The following RAB11FIP3 variants were observed in gnomAD, a reference collection of about 807,000 sequenced individuals.
The protein encoded by RAB11FIP3 is rab11 family-interacting protein 3.
In RAB11FIP3, 17 loss-of-function variants were observed where a neutral mutation model predicts 77.8. The observed-to-expected ratio is 0.22, with a 90% CI of 0.15 to 0.33. The LOEUF is 0.33. Among genes scored for constraint, RAB11FIP3 ranks in the 10% least tolerant of loss-of-function variants. The pLI, the probability that RAB11FIP3 is intolerant of heterozygous loss-of-function variation, is 1.00. For synonymous variants in RAB11FIP3, 437 were observed against 448.2 expected, an observed-to-expected ratio of 0.98 and a Z score of 0.31; for missense variants, 1,005 against 1,011.2, an observed-to-expected ratio of 0.99 and a Z score of 0.08.
In RAB11FIP3 at chr16:471,241, C is replaced by T. The variant is rs933900365; in HGVS notation, c.809-54C>T. The T allele has an allele frequency of 1.9e-5, 29 of 1,505,504 alleles. No homozygotes were observed. Among genetic ancestry groups the T allele is most frequent in the Non-Finnish European group, 2.6e-5 (28 of 1,085,876 alleles). 93.3% of individuals were successfully genotyped at this position (1,505,504 alleles called of 1,614,324 possible). A position where few individuals can be genotyped will look rare whatever the true frequency, so the allele number is the denominator to read the frequency against. ...GGGAGTCCCGAGGCCGCCAGGGGTC[C>T]CGTCACTGGGTGGCTATGGGTGGCC... is the stretch of plus-strand genomic sequence containing the variant. On this transcript the variant is annotated intron_variant, in intron 2 of 13. Coordinates refer to ENST00000262305, the MANE Select transcript of RAB11FIP3 (RefSeq NM_014700.4). This position sits in a 1 kb window ranked among gnomAD's most constrained non-coding sequence, Gnocchi z 4.4.
intron 1 of RAB11FIP3, among the ~76,000 whole-genome samples, chr16:442,788 C>T (rs542434828): frequency 3.9e-5 from 6 of 152,250 alleles, no homozygotes; most frequent in East Asian, 3.9e-4. Context: ...TTCTTGTTGG[C>T]GTAACTCTCC....
intron 1 of RAB11FIP3, among the ~76,000 whole-genome samples, chr16:441,504 A>G (rs1375713527): frequency 2.6e-5 from 4 of 152,168 alleles, no homozygotes; most frequent in Non-Finnish European, 5.9e-5. Flanking sequence ...TAGACCAGTG[A>G]TGAAAATTAA....
At chr16:488,331 T>G (rs9944359) in intron 4 of RAB11FIP3, among the ~76,000 whole-genome samples, 61,771 of 151,762 alleles carry the variant, frequency 0.41, 14,049 homozygotes, top group Middle Eastern at 0.54. Context: ...AGTGAGCCGA[T>G]ATTGCACGAC....
intron 1 of RAB11FIP3, among the ~76,000 whole-genome samples, chr16:437,444 C>T (rs113952154): frequency 0.07 from 10,526 of 151,200 alleles, 386 homozygotes; most frequent in African/African-American, 0.091. Flanking sequence ...GTGGTGCGTG[C>T]CTGTAGTCCC....
In RAB11FIP3 at chr16:514,589, C is replaced by T. The variant is rs773933516; in HGVS notation, c.1640+3789C>T. Among the ~76,000 whole-genome samples, 6 of 152,040 alleles carry T rather than the reference C, an allele frequency of 3.9e-5. No individual in the cohort carries two copies. The highest frequency in any genetic ancestry group is 5.9e-5 in the Non-Finnish European group (4 of 68,002). ...GCTTTGGACATCCTTGTTTAGGGAC[C>T]GGGAAAGGAGAATATGTGTCATCAG... On this transcript the variant is annotated intron_variant, in intron 9 of 13. Coordinates refer to ENST00000262305, the MANE Select transcript of RAB11FIP3 (RefSeq NM_014700.4). This position sits in a 1 kb window ranked among gnomAD's most constrained non-coding sequence, Gnocchi z 4.6.
intron 1 of RAB11FIP3, among the ~76,000 whole-genome samples, chr16:441,957 G>C (rs954041941): frequency 5.3e-5 from 8 of 152,200 alleles, no homozygotes; most frequent in Admixed American, 1.3e-4. Context: ...TCCTGCCTCA[G>C]CCTCCCGAGT....
chr16:435,612 G>T (rs146902346), intron 1 of RAB11FIP3, among the ~76,000 whole-genome samples: 33 of 152,304 alleles, frequency 2.2e-4, no homozygotes, highest in African/African-American at 7.9e-4. Flanking sequence ...GTGTGTAGGA[G>T]AGGGCGTATG....
intron 5 of RAB11FIP3, among the ~76,000 whole-genome samples, chr16:492,523 GA>G (rs1768507854): frequency 2.0e-5 from 3 of 151,240 alleles, no homozygotes; most frequent in African/African-American, 7.3e-5. Flanking sequence ...GCCCTCCCGG[GA>G]GACCCGAGGC....
At chr16:444,741 T>C (rs569697907) in intron 1 of RAB11FIP3, among the ~76,000 whole-genome samples, 2 of 151,564 alleles carry the variant, frequency 1.3e-5, no homozygotes, top group Non-Finnish European at 2.9e-5. Flanking sequence ...TCCAAGCACT[T>C]TGGGAGACCC....
chr16:502,966 T>G (rs1352534161), intron 6 of RAB11FIP3, 38 bp from the exon 7 acceptor site: 3 of 1,512,180 alleles, frequency 2.0e-6, no homozygotes, highest in Non-Finnish European at 2.8e-6. Flanking sequence ...CCTGTGGTTT[T>G]TCCCTTTCTT....
intron 1 of RAB11FIP3, among the ~76,000 whole-genome samples, chr16:450,443 G>A (rs114004605): frequency 0.023 from 3,577 of 152,222 alleles, 124 homozygotes; most frequent in African/African-American, 0.082. Context: ...GCCTCCAAAA[G>A]TGCTGGGATG....
chr16:488,704 C>A, intron 4 of RAB11FIP3, 147 bp from the exon 5 acceptor site: 1 of 709,480 alleles, frequency 1.4e-6, no homozygotes, highest in Non-Finnish European at 2.1e-6. Flanking sequence ...CCACCGCATC[C>A]AGCCCACTTT....
intron 5 of RAB11FIP3, among the ~76,000 whole-genome samples, chr16:493,251 CAAAA>C (rs71139788): frequency 1.4e-4 from 14 of 102,404 alleles, no homozygotes; most frequent in Admixed American, 2.1e-4. Context: ...ACTCTGACTC[CAAAA>C]AAAAAAAAAA....
chr16:462,499 C>T (rs2055624490), intron 2 of RAB11FIP3, among the ~76,000 whole-genome samples: 1 of 152,140 alleles, frequency 6.6e-6, no homozygotes, highest in Non-Finnish European at 1.5e-5. Flanking sequence ...CCTCCCAAGG[C>T]TGAGGTGCTG....
chr16:445,952 C>G (rs1222724990), intron 1 of RAB11FIP3, among the ~76,000 whole-genome samples: 1 of 152,052 alleles, frequency 6.6e-6, no homozygotes, highest in Non-Finnish European at 1.5e-5. Flanking sequence ...GTGTAGGCCC[C>G]TGTGTGAGGT....
intron 1 of RAB11FIP3, among the ~76,000 whole-genome samples, chr16:447,504 C>T (rs1349867851): frequency 2.0e-5 from 3 of 151,934 alleles, no homozygotes; most frequent in South Asian, 2.1e-4. Context: ...TTTGGGAGGC[C>T]GAGGCGGTGG....
rs762475986 is a variant in RAB11FIP3, at chr16:505,637, G to A, written c.1499+10G>A. The A allele has an allele frequency of 6.3e-7, 1 of 1,584,044 alleles. No homozygotes were observed. Among genetic ancestry groups the A allele is most frequent in the South Asian group, 1.1e-5 (1 of 88,962 alleles). On this transcript the variant is annotated intron_variant, in intron 8 of 13. Transcript: ENST00000262305. The surrounding 1 kb of genome is among the most constrained non-coding windows in gnomAD (Gnocchi z 4.0). ...TGCAGCTGGTGCACAGGTGAGCCTGGGCCAGGAGACCCGGGCCTCTGCGTG... is the reference window on the plus strand; with the variant it reads ...TGCAGCTGGTGCACAGGTGAGCCTGAGCCAGGAGACCCGGGCCTCTGCGTG...
chr16:445,963 G>GGCTA (rs1288389724), intron 1 of RAB11FIP3, among the ~76,000 whole-genome samples: 1 of 152,136 alleles, frequency 6.6e-6, no homozygotes, highest in Non-Finnish European at 1.5e-5. Context: ...TGTGTGAGGT[G>GGCTA]GGGGTAGGTG....
chr16:431,555 A>G (rs1326822812), intron 1 of RAB11FIP3, among the ~76,000 whole-genome samples: 3 of 151,786 alleles, frequency 2.0e-5, no homozygotes, highest in African/African-American at 7.3e-5. Flanking sequence ...TTATATTTTT[A>G]GTAGAGACGG....
Sources: allele counts gnomAD v4.1 joint callset (sites outside exome capture counted in the v4.1 genomes callset), GRCh38; gene constraint gnomAD v4.1.1; non-coding constraint Gnocchi (gnomAD v3.1); transcripts MANE v1.5; gene names NCBI Gene and HGNC (gene_info 2026-07-23, HGNC 2026-07-21).